The following DPY19L3 variants were observed in gnomAD, a reference collection of about 807,000 sequenced individuals.
DPY19L3 encodes dpy-19 like C-mannosyltransferase 3, also known as protein C-mannosyl-transferase DPY19L3.
Under a neutral mutation model 92.3 loss-of-function variants are expected in DPY19L3, and 51 were observed. The ratio of observed to expected loss-of-function variants is 0.55; its 90% CI spans 0.44 to 0.70. The LOEUF (loss-of-function observed/expected upper bound fraction) is 0.70. Ranked by LOEUF, DPY19L3 falls within the 30% of genes least tolerant of loss-of-function variation. The probability of loss-of-function intolerance (pLI) is 0.00; values close to 1 mark genes in which losing one functional copy is unlikely to be tolerated. For synonymous variants in DPY19L3, 309 were observed against 315.2 expected (o/e 0.98, Z 0.21); for missense variants, 706 against 855.9 (o/e 0.82, Z 2.18).
At chr19:32,423,195 A>G (rs916073797) in intron 3 of DPY19L3, among the ~76,000 whole-genome samples, 1 of 152,152 alleles carries the variant, frequency 6.6e-6, no homozygotes, top group African/African-American at 2.4e-5. Flanking sequence ...TATGATATAA[A>G]TAATGTTATA....
chr19:32,454,903 AC>A (rs768537651), intron 9 of DPY19L3, 35 bp from the exon 10 acceptor site: 1 of 1,350,966 alleles, frequency 7.4e-7, no homozygotes, highest in Non-Finnish European at 1.0e-6. Context: ...TTATATTAAA[AC>A]TTAAGAATTA....
intron 4 of DPY19L3, among the ~76,000 whole-genome samples, chr19:32,435,198 T>C (rs1184583714): frequency 6.6e-6 from 1 of 152,204 alleles, no homozygotes; most frequent in Non-Finnish European, 1.5e-5. Context: ...TCTGTTCCTC[T>C]TATAAGAACA....
Position 32,465,618 on chromosome 19 carries a change from A to G in DPY19L3, c.1614+834A>G, listed in dbSNP as rs556835335. Among the ~76,000 whole-genome samples, 123 of 152,336 alleles carry G rather than the reference A, an allele frequency of 8.1e-4. 1 individual carries two copies. Among genetic ancestry groups the G allele is most frequent in the Non-Finnish European group, 1.6e-3 (108 of 68,032 alleles). On this transcript the variant is annotated intron_variant, in intron 15 of 18. Transcript: ENST00000392250. ...AAGCAGGGGTGATGGGACCTCCCGC[A>G]GAGAGGATCAGCTAGAGCAGCTCAG...
chr19:32,414,100 T>A (rs1056571145), intron 3 of DPY19L3, among the ~76,000 whole-genome samples: 1 of 151,936 alleles, frequency 6.6e-6, no homozygotes, highest in Non-Finnish European at 1.5e-5. Flanking sequence ...CTGGCCAACA[T>A]GGTGAAACCC....
chr19:32,482,094 G>C lies in DPY19L3; in HGVS notation c.2005G>C (p.Gly669Arg). The change falls in exon 19 of 19, where the codon GGA (glycine) becomes CGA (arginine). Residue 669 changes from glycine to arginine, a missense_variant. Coordinates refer to ENST00000392250, the MANE Select transcript of DPY19L3 (RefSeq NM_001172774.2). ...IANGHMMDGP[G>R]ENDPDLKPAD... ...TTGGTTTTAGATGATGGATGGCCCA[G>C]GAGAGAATGATCCTGATTTGAAACC... The C allele has an allele frequency of 6.2e-7, 1 of 1,613,642 alleles. No individual in the cohort carries two copies. The highest frequency in any genetic ancestry group is 8.5e-7 in the Non-Finnish European group (1 of 1,179,790).
At chr19:32,454,129 A>C (rs888145637) in intron 9 of DPY19L3, among the ~76,000 whole-genome samples, 7 of 152,338 alleles carry the variant, frequency 4.6e-5, no homozygotes, top group African/African-American at 1.7e-4. Context: ...TTGAACTGTT[A>C]AGATATTATT....
At chr19:32,415,798 A>G (rs1330542682) in intron 3 of DPY19L3, among the ~76,000 whole-genome samples, 1 of 152,194 alleles carries the variant, frequency 6.6e-6, no homozygotes, top group East Asian at 1.9e-4. Context: ...ACGACATAGA[A>G]CTTAATTATG....
In DPY19L3 at chr19:32,481,977, A is replaced by T. The variant is rs1312674864; in HGVS notation, c.1990-102A>T. 2.9e-5 allele frequency: 37 copies of T among 1,284,712 alleles called. No homozygotes were observed. In the Admixed American group the frequency reaches 8.5e-4, roughly 29 times the overall value. 79.6% of individuals were successfully genotyped at this position (1,284,712 alleles called of 1,614,324 possible). Reference sequence around the variant, plus strand: ...CATTGAAATAATATAATTTAATTTCACTCACATACCATTCTTAAACCCAAT... The same window carrying T: ...CATTGAAATAATATAATTTAATTTCTCTCACATACCATTCTTAAACCCAAT... On this transcript the variant is annotated intron_variant, in intron 18 of 18. Transcript: ENST00000392250.
chr19:32,468,796 G>A lies in DPY19L3; in HGVS notation c.1680G>A (p.Glu560=). Residue 560 remains glutamate, a synonymous_variant, in exon 16 of 19, where the codon GAG becomes GAA. Transcript: ENST00000392250. ...AATTCTATGATCCAGATACAGTGGA[G>A]CTGATGAACTGGATTAAGTAAGAGG... ...LREFYDPDTV[E]LMNWINSNTP... is the part of the protein sequence containing the mutation. 1 of 1,613,672 alleles carries A rather than the reference G, an allele frequency of 6.2e-7. No homozygotes were observed. Among genetic ancestry groups the A allele is most frequent in the Non-Finnish European group, 8.5e-7 (1 of 1,179,774 alleles).
At chr19:32,453,060 G>C (rs555768834) in intron 8 of DPY19L3, 85 bp from the exon 9 acceptor site, 4 of 1,461,864 alleles carry the variant, frequency 2.7e-6, no homozygotes, top group Non-Finnish European at 3.8e-6. Context: ...GTAAGCTGAG[G>C]TGTATCCACC....
chr19:32,474,859 G>T (rs931964060), intron 16 of DPY19L3, among the ~76,000 whole-genome samples: 1 of 152,178 alleles, frequency 6.6e-6, no homozygotes, highest in Non-Finnish European at 1.5e-5. Context: ...AAAGTGCTGG[G>T]ATTACAGACA....
chr19:32,477,153 A>AAGAGCTACACGCC (rs1970536037), intron 16 of DPY19L3, among the ~76,000 whole-genome samples: 1 of 152,128 alleles, frequency 6.6e-6, no homozygotes, highest in Non-Finnish European at 1.5e-5. Flanking sequence ...GCCTGGACTC[A>AAGAGCTACACGCC]AGAGCTACAC....
chr19:32,406,611 C>T lies in DPY19L3; in HGVS notation c.-38+702C>T, dbSNP rs746022458. ...AAGTCATCCTCCTGCCTCAACCTCC[C>T]AAAGCGCTGGGATTACATGAGCCGC... On this transcript the variant is annotated intron_variant, in intron 1 of 18. Transcript: ENST00000392250. Among the ~76,000 whole-genome samples, 113 of 152,288 alleles carry T rather than the reference C, an allele frequency of 7.4e-4. 2 individuals carry two copies. Among genetic ancestry groups the T allele is most frequent in the Admixed American group, 9.1e-4 (14 of 15,302 alleles).
intron 7 of DPY19L3, 137 bp from the exon 8 acceptor site, chr19:32,439,639 T>C (rs1157751824): frequency 3.2e-5 from 26 of 820,358 alleles, no homozygotes; most frequent in Non-Finnish European, 4.3e-5. Context: ...AAATAACAAA[T>C]GCAAGGGTTT....
At chr19:32,463,773 C>A in intron 13 of DPY19L3, 96 bp from the exon 14 acceptor site, 1 of 1,079,828 alleles carries the variant, frequency 9.3e-7, no homozygotes, top group Non-Finnish European at 1.4e-6. Context: ...TAAGATTTTG[C>A]CGTCATAGAC....
At chr19:32,408,681 C>T (rs932707535) in intron 2 of DPY19L3, among the ~76,000 whole-genome samples, 7 of 152,116 alleles carry the variant, frequency 4.6e-5, no homozygotes, top group African/African-American at 1.4e-4. Context: ...GTCGTGTATA[C>T]TATTTACACC....
At chr19:32,453,030 A>T in intron 8 of DPY19L3, 115 bp from the exon 9 acceptor site, 2 of 1,222,098 alleles carry the variant, frequency 1.6e-6, no homozygotes, top group South Asian at 1.3e-5. Flanking sequence ...TTGAATCTAC[A>T]TGTGTTTTCT....
intron 4 of DPY19L3, among the ~76,000 whole-genome samples, chr19:32,433,151 A>C (rs1969025015): frequency 6.6e-6 from 1 of 152,176 alleles, no homozygotes; most frequent in Non-Finnish European, 1.5e-5. Context: ...AACACAAATG[A>C]AAATTACAGT....
chr19:32,411,607 A>G, intron 3 of DPY19L3: 1 of 438,664 alleles, frequency 2.3e-6, no homozygotes, highest in East Asian at 3.6e-5. Flanking sequence ...TCACTCTGTC[A>G]CCCAGGCTGG....
Sources: gnomAD v4.1 joint callset for allele counts (sites outside exome capture counted in the v4.1 genomes callset) on GRCh38, gnomAD v4.1.1 for gene constraint, MANE v1.5 for transcripts, NCBI Gene and HGNC (gene_info 2026-07-23, HGNC 2026-07-21) for gene names.